Variants in PRPF18 observed in about 807,000 individuals in gnomAD.
PRPF18 encodes the protein pre-mRNA processing factor 18.
Under a neutral mutation model 46.5 loss-of-function variants are expected in PRPF18, and 38 were observed. The observed-to-expected ratio is 0.82, with a 90% CI of 0.63 to 1.07. The LOEUF (loss-of-function observed/expected upper bound fraction) is 1.07, where lower values mean the gene tolerates loss of function less well. Among genes scored for constraint, PRPF18 ranks in the 50% least tolerant of loss-of-function variants. PRPF18 has a pLI of 0.00. For synonymous variants in PRPF18, 152 were observed against 146.7 expected (o/e 1.04, Z -0.26); for missense variants, 263 against 410.0 (o/e 0.64, Z 3.10).
At chr10:13,641,477 A>G in the PRPF18 span, 31 of 152,004 alleles carry the variant, frequency 2.0e-4, no homozygotes, top group African/African-American at 7.0e-4. Flanking sequence ...TCTCATCAGC[A>G]TAAAGATGGC....
chr10:13,637,274 A>T, the PRPF18 span: 1 of 152,258 alleles, frequency 6.6e-6, no homozygotes. Flanking sequence ...ACCTTATACC[A>T]GTTAACACAT....
At chr10:13,633,818 G>A (rs2080611451), downstream of PRPF18, among the ~76,000 whole-genome samples, 1 of 152,152 alleles carries the variant, frequency 6.6e-6, no homozygotes, top group Admixed American at 6.5e-5. Context: ...GGAGTCTTGA[G>A]CTGAAAAGTA....
chr10:13,651,837 G>A, the PRPF18 span: 1 of 823,144 alleles, frequency 1.2e-6, no homozygotes, highest in Non-Finnish European at 2.2e-6. Context: ...TGATGACATG[G>A]ACAAAAGCAA....
chr10:13,587,059 A>G lies in PRPF18; in HGVS notation c.-28A>G. 1 of 1,611,964 alleles carries G rather than the reference A, an allele frequency of 6.2e-7. No individual in the cohort carries two copies. The highest frequency in any genetic ancestry group is 8.5e-7 in the Non-Finnish European group (1 of 1,178,008). ...GCTGGGTTCGAGGAGCTGGAGCGGGAAACTGGAGCTTAAATTCTGGCGGCG... is the reference window on the plus strand; with the variant it reads ...GCTGGGTTCGAGGAGCTGGAGCGGGGAACTGGAGCTTAAATTCTGGCGGCG... On this transcript the variant is annotated 5_prime_UTR_variant, in exon 1 of 10. Coordinates refer to ENST00000378572, the MANE Select transcript of PRPF18 (RefSeq NM_003675.4).
chr10:13,630,958 A>G (rs1263224872), downstream of PRPF18: 1 of 152,236 alleles, frequency 6.6e-6, no homozygotes, highest in East Asian at 1.9e-4. Context: ...CTCAGGACAG[A>G]TACAATTAAT....
At chr10:13,591,758 T>C (rs2133125249) in intron 1 of PRPF18, 2 of 1,343,316 alleles carry the variant, frequency 1.5e-6, no homozygotes, top group Non-Finnish European at 2.0e-6. Context: ...TTCTGGTGTT[T>C]TCTTCATAGA....
At chr10:13,612,719 A>T (rs1221266449) in intron 6 of PRPF18, among the ~76,000 whole-genome samples, 1 of 146,852 alleles carries the variant, frequency 6.8e-6, no homozygotes, top group African/African-American at 2.5e-5. Context: ...TGTAACCTTG[A>T]AATCCTGGGC....
At chr10:13,625,124 G>A (rs905879452) in intron 9 of PRPF18, among the ~76,000 whole-genome samples, 1 of 152,006 alleles carries the variant, frequency 6.6e-6, no homozygotes, top group East Asian at 1.9e-4. Flanking sequence ...GCTTGAGACC[G>A]GGAGTTCTAG....
chr10:13,627,324 T>C (rs2080523158), intron 9 of PRPF18, among the ~76,000 whole-genome samples: 1 of 152,214 alleles, frequency 6.6e-6, no homozygotes, highest in African/African-American at 2.4e-5. Context: ...TCTGGCTTCT[T>C]CGCTACTGTA....
the PRPF18 span, chr10:13,652,390 A>T: frequency 5.0e-6 from 1 of 199,594 alleles, no homozygotes; most frequent in Non-Finnish European, 1.0e-5. Flanking sequence ...AATACAATCA[A>T]TCATATATTT....
the PRPF18 span, chr10:13,646,742 C>G: frequency 6.5e-6 from 1 of 152,710 alleles, no homozygotes; most frequent in Non-Finnish European, 1.5e-5. Flanking sequence ...AGGGGACACA[C>G]AGTGGGACCG....
At chr10:13,642,321 T>G in the PRPF18 span, 7 of 152,346 alleles carry the variant, frequency 4.6e-5, no homozygotes, top group African/African-American at 1.2e-4. Context: ...GCACCAAATG[T>G]GCAGTGAAAT....
chr10:13,646,975 C>T, the PRPF18 span: 2 of 984,808 alleles, frequency 2.0e-6, no homozygotes, highest in Non-Finnish European at 2.4e-6. Context: ...GCCCGTACCA[C>T]TGGACATCAG....
intron 9 of PRPF18, among the ~76,000 whole-genome samples, chr10:13,617,401 A>T (rs902306283): frequency 1.3e-5 from 2 of 152,222 alleles, no homozygotes; most frequent in African/African-American, 4.8e-5. Context: ...CCTTAGTCAC[A>T]TATAATAGCT....
intron 8 of PRPF18, among the ~76,000 whole-genome samples, chr10:13,615,716 G>C (rs2080329089): frequency 6.6e-6 from 1 of 151,162 alleles, no homozygotes; most frequent in African/African-American, 2.4e-5. Context: ...GCCAGGCTTG[G>C]TTAGGAAAAA....
intron 9 of PRPF18, among the ~76,000 whole-genome samples, chr10:13,618,638 A>G (rs999759198): frequency 7.9e-5 from 12 of 151,664 alleles, no homozygotes; most frequent in South Asian, 2.1e-4. Flanking sequence ...AAAAAAAAAA[A>G]AAAGAAAGAA....
chr10:13,643,446 A>G, the PRPF18 span: 1 of 152,250 alleles, frequency 6.6e-6, no homozygotes, highest in South Asian at 2.1e-4. Flanking sequence ...CCTTTTTTGT[A>G]GTAGCAGGAA....
rs139226722 is a variant in PRPF18 at position 13,617,673 on chromosome 10, G to A, written c.948+1120G>A. Among the ~76,000 whole-genome samples, 944 of 152,204 alleles carry A rather than the reference G, an allele frequency of 6.2e-3. 6 individuals carry two copies. The highest frequency in any genetic ancestry group is 0.02 in the African/African-American group (838 of 41,534). On this transcript the variant is annotated intron_variant, in intron 9 of 9. Coordinates refer to ENST00000378572, the MANE Select transcript of PRPF18 (RefSeq NM_003675.4). Reference sequence around the variant, plus strand: ...AAAAGTTCATATGATTAAATCAATCGTCTGAAAGACATTTCTTATAAACAG... The same window carrying A: ...AAAAGTTCATATGATTAAATCAATCATCTGAAAGACATTTCTTATAAACAG...
chr10:13,586,995 C>T lies in PRPF18; in HGVS notation c.-92C>T. On this transcript the variant is annotated 5_prime_UTR_variant, in exon 1 of 10. Coordinates refer to ENST00000378572, the MANE Select transcript of PRPF18 (RefSeq NM_003675.4). ...TTCTCAGGTGTTTGGGCTTGTTGTT[C>T]CGTATACTCAGTGGGTTCGCGGCCG... is the stretch of plus-strand genomic sequence containing the variant. The T allele has an allele frequency of 7.7e-7, 1 of 1,300,676 alleles. No individual in the cohort carries two copies. Among genetic ancestry groups the T allele is most frequent in the Non-Finnish European group, 1.1e-6 (1 of 895,420 alleles). 80.6% of individuals were successfully genotyped at this position (1,300,676 alleles called of 1,614,324 possible).
Sources: gnomAD v4.1 joint callset for allele counts (sites outside exome capture counted in the v4.1 genomes callset) on GRCh38, gnomAD v4.1.1 for gene constraint, MANE v1.5 for transcripts, NCBI Gene and HGNC (gene_info 2026-07-23, HGNC 2026-07-21) for gene names.